The following CUBN variants were observed in gnomAD, a reference collection of about 807,000 sequenced individuals.
The protein encoded by CUBN is 460 kDa receptor.
A neutral mutation model predicts 405.3 loss-of-function variants in CUBN; 282 were observed. The ratio of observed to expected loss-of-function variants is 0.70; its 90% CI spans 0.63 to 0.77. The LOEUF is 0.77. Among genes scored for constraint, CUBN ranks in the 30% least tolerant of loss-of-function variants. CUBN has a pLI of 0.00. For missense variants in CUBN, 4,514 were observed against 4,475.2 expected, an observed-to-expected ratio of 1.01 and a Z score of -0.25; for synonymous variants, 1,684 against 1,617.0, an observed-to-expected ratio of 1.04 and a Z score of -0.99.
chr10:17,017,340 C>T (rs1394740892), intron 28 of CUBN, among the ~76,000 whole-genome samples: 2 of 152,094 alleles, frequency 1.3e-5, no homozygotes, highest in East Asian at 3.9e-4. Context: ...GCACCCTTGC[C>T]TGTCCTCCTA....
At chr10:17,082,621 G>A (rs774368893) in intron 17 of CUBN, among the ~76,000 whole-genome samples, 40 of 152,092 alleles carry the variant, frequency 2.6e-4, no homozygotes, top group Non-Finnish European at 3.7e-4. Flanking sequence ...CATGATGCTC[G>A]GCTTCATGTT....
intron 6 of CUBN, among the ~76,000 whole-genome samples, chr10:17,117,364 T>A (rs1223844874): frequency 6.6e-6 from 1 of 152,078 alleles, no homozygotes; most frequent in African/African-American, 2.4e-5. Context: ...TGTTTAAGAA[T>A]CTTTTTTATT....
intron 27 of CUBN, chr10:17,023,589 G>A (rs1323843936): frequency 6.6e-6 from 3 of 455,758 alleles, no homozygotes; most frequent in Non-Finnish European, 1.3e-5. Flanking sequence ...TTCTGATTCT[G>A]TTTTCAGAGC....
At chr10:17,114,753 G>T (rs1836850479) in intron 7 of CUBN, among the ~76,000 whole-genome samples, 1 of 152,176 alleles carries the variant, frequency 6.6e-6, no homozygotes, top group Non-Finnish European at 1.5e-5. Context: ...GGCATGGAGG[G>T]TCGTTCTGGG....
At chr10:16,982,763 G>C in intron 30 of CUBN, 110 bp from the exon 31 acceptor site, 1 of 1,001,798 alleles carries the variant, frequency 1.0e-6, no homozygotes, top group Non-Finnish European at 1.5e-6. Context: ...TCAGTTAGTC[G>C]ATGCTAAAAA....
Position 17,048,129 on chromosome 10 carries a change from C to G in CUBN, c.3140-526G>C, listed in dbSNP as rs185865539. Among the ~76,000 whole-genome samples the G allele has an allele frequency of 3.5e-3, 540 of 152,380 alleles. 3 individuals carry two copies. The highest frequency in any genetic ancestry group is 0.013 in the African/African-American group (524 of 41,596). ...CTGCAGCCTTGGGAGAGTTACTGTA[C>G]TTCTCTAAGCCTTAGTTCTCACATC... On this transcript the variant is annotated intron_variant, in intron 22 of 66. Coordinates refer to ENST00000377833, the MANE Select transcript of CUBN (RefSeq NM_001081.4).
intron 54 of CUBN, among the ~76,000 whole-genome samples, chr10:16,897,534 G>A (rs1219584152): frequency 6.6e-6 from 1 of 152,086 alleles, no homozygotes; most frequent in African/African-American, 2.4e-5. Context: ...AATGTCTCTG[G>A]GTGGAAGAGG....
intron 27 of CUBN, among the ~76,000 whole-genome samples, chr10:17,025,227 C>T (rs1244061439): frequency 6.6e-6 from 1 of 152,112 alleles, no homozygotes; most frequent in Non-Finnish European, 1.5e-5. Context: ...GATGATCGTT[C>T]AATTTTTGAG....
At chr10:16,918,572 C>A in intron 45 of CUBN, 50 bp downstream of exon 45, 1 of 1,417,422 alleles carries the variant, frequency 7.1e-7, no homozygotes, top group East Asian at 2.4e-5. Context: ...TATAACAAAT[C>A]TGCACATGTA....
chr10:17,008,335 CGTGT>C (rs10678462), intron 28 of CUBN, among the ~76,000 whole-genome samples: 1 of 138,884 alleles, frequency 7.2e-6, no homozygotes, highest in Non-Finnish European at 1.5e-5. Context: ...AGTCCCTCCC[CGTGT>C]GTGTGTGTGT....
At chr10:16,969,152 G>A (rs940562762) in intron 31 of CUBN, among the ~76,000 whole-genome samples, 2 of 152,222 alleles carry the variant, frequency 1.3e-5, no homozygotes, top group African/African-American at 2.4e-5. Flanking sequence ...ATGCCAGGGA[G>A]TGAACTCAGT....
chr10:17,066,330 C>T (rs927752921), intron 21 of CUBN, among the ~76,000 whole-genome samples: 1 of 152,058 alleles, frequency 6.6e-6, no homozygotes, highest in Non-Finnish European at 1.5e-5. Flanking sequence ...GAGCTTTTAT[C>T]TGGAGAAATA....
At chr10:16,874,790 C>T (rs890993225) in intron 57 of CUBN, among the ~76,000 whole-genome samples, 2 of 152,000 alleles carry the variant, frequency 1.3e-5, no homozygotes, top group Non-Finnish European at 2.9e-5. Flanking sequence ...GTGAAAATGA[C>T]GAGCAGGAAC....
intron 28 of CUBN, among the ~76,000 whole-genome samples, chr10:17,008,870 G>A (rs762846649): frequency 5.9e-5 from 9 of 152,220 alleles, no homozygotes; most frequent in East Asian, 3.9e-4. Context: ...TGTGTCCCCC[G>A]TCTCAGCACA....
intron 28 of CUBN, among the ~76,000 whole-genome samples, chr10:17,002,455 A>T (rs577324409): frequency 3.3e-5 from 5 of 151,238 alleles, no homozygotes; most frequent in Non-Finnish European, 7.4e-5. Context: ...TTTGAGGGTT[A>T]TTTTTTTTTC....
At position 17,071,908 on chromosome 10, in the gene CUBN, A is replaced by G; in HGVS notation, c.2365T>C (p.Ser789Pro). 2 of 1,613,392 alleles carry G rather than the reference A, an allele frequency of 1.2e-6. No individual in the cohort carries two copies. Among genetic ancestry groups the G allele is most frequent in the Non-Finnish European group, 1.7e-6 (2 of 1,179,694 alleles). ...CGNGTISHIK[S>P]ITNSVWIRFK... ...CTGATCCAGACACTATTAGTAATGG[A>G]TTTAATGTGAGAGATGGTTCCGTTG... Residue 789 changes from serine (S) to proline (P), a missense_variant, in exon 18 of 67, where the codon TCC becomes CCC. Physicochemically the swap from Ser to Pro is moderately conservative, Grantham distance 74. This residue lies in a region of CUBN where 1,448 missense variants were observed against 1,388.0 expected (regional missense o/e 1.04). Coordinates refer to ENST00000377833, the MANE Select transcript of CUBN (RefSeq NM_001081.4).
chr10:16,829,286 C>G (rs1385941697), intron 65 of CUBN, among the ~76,000 whole-genome samples: 1 of 147,608 alleles, frequency 6.8e-6, no homozygotes, highest in Non-Finnish European at 1.5e-5. Context: ...TATCACAACC[C>G]AGGGATAACT....
chr10:16,950,258 A>G, intron 33 of CUBN, 147 bp from the exon 34 acceptor site: 1 of 656,982 alleles, frequency 1.5e-6, no homozygotes, highest in South Asian at 1.6e-5. Context: ...CAACAGGGTA[A>G]TTGTAGTCGA....
chr10:16,859,680 G>C (rs772102782), intron 59 of CUBN, among the ~76,000 whole-genome samples: 2 of 151,862 alleles, frequency 1.3e-5, no homozygotes, highest in Non-Finnish European at 2.9e-5. Context: ...CAAAAACAAA[G>C]AACACTTTTT....
Sources: allele counts gnomAD v4.1 joint callset (sites outside exome capture counted in the v4.1 genomes callset), GRCh38; gene constraint gnomAD v4.1.1; regional missense constraint gnomAD v4.1.1; transcripts MANE v1.5; gene names NCBI Gene and HGNC (gene_info 2026-07-23, HGNC 2026-07-21).